The following KIF21A variants were observed in gnomAD, a reference collection of about 807,000 sequenced individuals.
KIF21A encodes kinesin family member 21A.
A neutral mutation model predicts 202.9 loss-of-function variants in KIF21A; 114 were observed. The observed-to-expected ratio is 0.56, with a 90% CI of 0.48 to 0.66. The LOEUF is 0.66. Among genes scored for constraint, KIF21A ranks in the 30% least tolerant of loss-of-function variants. The probability of loss-of-function intolerance (pLI) is 0.00; values close to 1 mark genes in which losing one functional copy is unlikely to be tolerated. For missense variants in KIF21A, 1,677 were observed against 1,994.9 expected (o/e 0.84, Z 3.04); for synonymous variants, 667 against 670.8 (o/e 0.99, Z 0.09).
intron 31 of KIF21A, among the ~76,000 whole-genome samples, chr12:39,313,875 G>C (rs1944263251): frequency 6.6e-6 from 1 of 151,730 alleles, no homozygotes; most frequent in African/African-American, 2.4e-5. Flanking sequence ...AAAAATTGGA[G>C]CCTTTACAAA....
intron 1 of KIF21A, among the ~76,000 whole-genome samples, chr12:39,387,544 T>C (rs561625815): frequency 1.2e-4 from 19 of 152,312 alleles, no homozygotes; most frequent in African/African-American, 4.6e-4. Context: ...AAGTAACTGC[T>C]AGGTTTCCTA....
At chr12:39,392,013 C>T (rs1233587594) in intron 1 of KIF21A, among the ~76,000 whole-genome samples, 1 of 152,076 alleles carries the variant, frequency 6.6e-6, no homozygotes, top group Admixed American at 6.6e-5. Flanking sequence ...GCTGGGATTA[C>T]AGGAATGAGC....
intron 1 of KIF21A, among the ~76,000 whole-genome samples, chr12:39,390,689 A>G (rs556994563): frequency 1.8e-4 from 27 of 152,252 alleles, no homozygotes; most frequent in African/African-American, 6.0e-4. Context: ...TGCTTTAAAG[A>G]AGGAAAAAAA....
At chr12:39,330,658 A>G (rs1247912435) in intron 23 of KIF21A, 88 bp downstream of exon 23, 4 of 1,111,994 alleles carry the variant, frequency 3.6e-6, no homozygotes, top group Non-Finnish European at 5.5e-6. Context: ...TATTCAGTCA[A>G]GCCATAGGGG....
chr12:39,330,180 T>C, intron 24 of KIF21A, 62 bp downstream of exon 24: 2 of 1,422,548 alleles, frequency 1.4e-6, no homozygotes, highest in South Asian at 2.3e-5. Flanking sequence ...CCACAATTAG[T>C]GTACATGAAC....
At chr12:39,312,427 TAG>T (rs1292483467) in intron 31 of KIF21A, 2 of 151,672 alleles carry the variant, frequency 1.3e-5, no homozygotes, top group African/African-American at 4.8e-5. Flanking sequence ...ACAAAAATAA[TAG>T]AAAGAATAAA....
chr12:39,340,070 G>T, intron 16 of KIF21A, 95 bp downstream of exon 16: 1 of 967,102 alleles, frequency 1.0e-6, no homozygotes, highest in Non-Finnish European at 1.6e-6. Context: ...TACCTTTATC[G>T]AATATGGAAA....
chr12:39,416,118 A>G (rs1249141539), intron 1 of KIF21A, among the ~76,000 whole-genome samples: 1 of 152,176 alleles, frequency 6.6e-6, no homozygotes, highest in Non-Finnish European at 1.5e-5. Flanking sequence ...ATAAAGTTTT[A>G]ATTCATTCAG....
At chr12:39,357,040 A>G (rs1948829131) in intron 9 of KIF21A, 145 bp from the exon 10 acceptor site, 1 of 647,728 alleles carries the variant, frequency 1.5e-6, no homozygotes, top group African/African-American at 1.8e-5. Flanking sequence ...ACATGAGCAG[A>G]CCACAAGATA....
intron 12 of KIF21A, among the ~76,000 whole-genome samples, chr12:39,346,164 T>A (rs1343556873): frequency 6.6e-6 from 1 of 152,050 alleles, no homozygotes; most frequent in African/African-American, 2.4e-5. Context: ...GGCAGGGGTT[T>A]TAGGGTTATT....
intron 12 of KIF21A, among the ~76,000 whole-genome samples, chr12:39,345,844 G>GA (rs1013948604): frequency 7.9e-5 from 12 of 151,454 alleles, no homozygotes; most frequent in African/African-American, 1.2e-4. Flanking sequence ...CGTTTCAAAT[G>GA]AAAAAAAAGC....
At chr12:39,369,591 CTAATGTTAATT>C in intron 3 of KIF21A, 127 bp downstream of exon 3, 2 of 659,444 alleles carry the variant, frequency 3.0e-6, no homozygotes, top group Non-Finnish European at 2.6e-6. Flanking sequence ...TTTCTACTAT[CTAATGTTAATT>C]TACTCAAACA....
chr12:39,409,823 C>G (rs902006903), intron 1 of KIF21A, among the ~76,000 whole-genome samples: 3 of 149,852 alleles, frequency 2.0e-5, no homozygotes, highest in Non-Finnish European at 4.4e-5. Context: ...AGAGAAAAAT[C>G]GAAGAAGCTG....
chr12:39,325,837 A>G lies in KIF21A; in HGVS notation c.3456+2T>C. On this transcript the variant is annotated splice_donor_variant, in intron 26 of 37. Transcript: ENST00000361418. LOFTEE classifies it high-confidence loss of function. The stretch of plus-strand genomic sequence containing the variant: ...TTACCTGATACTTTTAGTTCTCCTT[A>G]CCTTGTTCTTAGGTTTCACTTCACC... 6.2e-7 allele frequency: 1 copy of G among 1,604,738 alleles called. No homozygotes were observed. Among genetic ancestry groups the G allele is most frequent in the South Asian group, 1.1e-5 (1 of 90,894 alleles).
At chr12:39,302,780 A>G (rs1592026210) in intron 36 of KIF21A, among the ~76,000 whole-genome samples, 185 bp downstream of exon 36, 1 of 152,180 alleles carries the variant, frequency 6.6e-6, no homozygotes, top group South Asian at 2.1e-4. Flanking sequence ...GTATTATTCA[A>G]TGTTGACTGT....
At chr12:39,373,776 G>C (rs1488633461) in intron 1 of KIF21A, among the ~76,000 whole-genome samples, 1 of 152,192 alleles carries the variant, frequency 6.6e-6, no homozygotes, top group Non-Finnish European at 1.5e-5. Flanking sequence ...CACTCAGAAT[G>C]TCTTTAACTT....
intron 1 of KIF21A, among the ~76,000 whole-genome samples, chr12:39,406,344 T>C (rs1317187065): frequency 6.6e-6 from 1 of 152,214 alleles, no homozygotes; most frequent in Non-Finnish European, 1.5e-5. Flanking sequence ...TCAATGTCTC[T>C]ATCTGCCCAA....
intron 1 of KIF21A, among the ~76,000 whole-genome samples, chr12:39,382,994 A>G (rs942364706): frequency 2.0e-5 from 3 of 152,182 alleles, no homozygotes; most frequent in Admixed American, 2.0e-4. Flanking sequence ...TACAATTCTG[A>G]CCAGTTTAAT....
At chr12:39,422,049 C>T (rs1954337202) in intron 1 of KIF21A, among the ~76,000 whole-genome samples, 1 of 151,706 alleles carries the variant, frequency 6.6e-6, no homozygotes, top group Non-Finnish European at 1.5e-5. Context: ...CCTCAGCCTC[C>T]CCTAGCTCAA....
Sources: gnomAD v4.1 joint callset for allele counts (sites outside exome capture counted in the v4.1 genomes callset) on GRCh38, gnomAD v4.1.1 for gene constraint, MANE v1.5 for transcripts, NCBI Gene and HGNC (gene_info 2026-07-23, HGNC 2026-07-21) for gene names.